The following DPP10 variants were observed in gnomAD, a reference collection of about 807,000 sequenced individuals.
DPP10 encodes the protein dipeptidyl peptidase like 10.
In DPP10, 33 loss-of-function variants were observed where a neutral mutation model predicts 120.9. That is an observed-to-expected ratio of 0.27 (90% CI 0.21 to 0.37). The LOEUF is 0.37. DPP10 is among the 10% of genes least tolerant of loss of function. The pLI is 1.00. For synonymous variants in DPP10, 337 were observed against 326.1 expected, an observed-to-expected ratio of 1.03 and a Z score of -0.36; for missense variants, 816 against 942.8, an observed-to-expected ratio of 0.87 and a Z score of 1.76.
chr2:115,194,802 T>A (rs528332821), intron 1 of DPP10, among the ~76,000 whole-genome samples: 75 of 152,274 alleles, frequency 4.9e-4, no homozygotes, highest in Non-Finnish European at 7.2e-4. Context: ...GAGTGATGTT[T>A]AACATAACAA....
At chr2:114,783,124 T>A (rs1682475402) in intron 1 of DPP10, among the ~76,000 whole-genome samples, 1 of 152,132 alleles carries the variant, frequency 6.6e-6, no homozygotes. Flanking sequence ...AGATATGTAA[T>A]GATATAGTAT....
intron 5 of DPP10, among the ~76,000 whole-genome samples, chr2:115,575,329 GTGTT>G (rs1372602109): frequency 6.6e-6 from 1 of 152,180 alleles, no homozygotes; most frequent in Non-Finnish European, 1.5e-5. Flanking sequence ...AAGAAAGTGA[GTGTT>G]TGGTACCATT....
intron 5 of DPP10, among the ~76,000 whole-genome samples, chr2:115,617,002 C>G (rs1439626789): frequency 6.6e-6 from 1 of 151,588 alleles, no homozygotes; most frequent in Admixed American, 6.6e-5. Flanking sequence ...GTCCTCTTTA[C>G]TCCTCCCTCT....
chr2:115,676,236 G>T (rs139679993), intron 5 of DPP10, among the ~76,000 whole-genome samples: 1 of 152,252 alleles, frequency 6.6e-6, no homozygotes, highest in East Asian at 1.9e-4. Flanking sequence ...AATAATCACA[G>T]AATGGCCACA....
At chr2:114,776,393 A>G (rs1448599390) in intron 1 of DPP10, among the ~76,000 whole-genome samples, 1 of 152,092 alleles carries the variant, frequency 6.6e-6, no homozygotes, top group Non-Finnish European at 1.5e-5. Flanking sequence ...ATGTAGAAGG[A>G]AAAAACAGTT....
chr2:114,693,113 T>C (rs1699866986), intron 1 of DPP10, among the ~76,000 whole-genome samples: 1 of 152,082 alleles, frequency 6.6e-6, no homozygotes, highest in Admixed American at 6.6e-5. Flanking sequence ...AATTTGATCC[T>C]ATCATCATGA....
chr2:115,379,060 G>T (rs972873297), intron 3 of DPP10, among the ~76,000 whole-genome samples: 3 of 152,138 alleles, frequency 2.0e-5, no homozygotes, highest in Non-Finnish European at 4.4e-5. Flanking sequence ...GATGATGCTG[G>T]CCTCATAAAA....
At chr2:115,140,410 A>G (rs960934169) in intron 1 of DPP10, among the ~76,000 whole-genome samples, 2 of 152,308 alleles carry the variant, frequency 1.3e-5, no homozygotes, top group Non-Finnish European at 2.9e-5. Context: ...GATGGCTCAG[A>G]GCTGGTGATA....
At chr2:115,240,162 C>G (rs1191315416) in intron 1 of DPP10, among the ~76,000 whole-genome samples, 6 of 152,132 alleles carry the variant, frequency 3.9e-5, no homozygotes, top group African/African-American at 1.4e-4. Context: ...GTTGTAGATC[C>G]TTGAGGAATC....
intron 3 of DPP10, among the ~76,000 whole-genome samples, chr2:115,357,766 T>G (rs1331973867): frequency 6.6e-6 from 1 of 152,180 alleles, no homozygotes; most frequent in Non-Finnish European, 1.5e-5. Flanking sequence ...TGCCCGGACA[T>G]CTAGGCATTT....
At chr2:115,051,378 A>G (rs1389048443) in intron 1 of DPP10, among the ~76,000 whole-genome samples, 1 of 152,278 alleles carries the variant, frequency 6.6e-6, no homozygotes, top group East Asian at 1.9e-4. Flanking sequence ...AAGGTACTAA[A>G]AAAAAAAACT....
At chr2:115,676,579 C>A (rs2090281173) in intron 5 of DPP10, among the ~76,000 whole-genome samples, 1 of 151,932 alleles carries the variant, frequency 6.6e-6, no homozygotes, top group Admixed American at 6.6e-5. Context: ...CATCAATAGA[C>A]TAAATTAAGT....
intron 1 of DPP10, among the ~76,000 whole-genome samples, chr2:114,464,806 C>T (rs924381394): frequency 5.9e-5 from 9 of 152,156 alleles, no homozygotes; most frequent in East Asian, 1.9e-4. Flanking sequence ...CAGAGATTGA[C>T]GTGAGCCGAG....
rs1396154691 is a variant in DPP10 at position 115,836,494 on chromosome 2, T to C, written c.2051-13T>C. ...TTAGTTTCTTCTCGAATGTCTGTTT[T>C]CTTGGGTCACAGCCTCAGCTTTCTC... is the stretch of plus-strand genomic sequence containing the variant. On this transcript the variant is annotated splice_polypyrimidine_tract_variant and intron_variant, in intron 22 of 25. Transcript: ENST00000410059. 1.2e-6 allele frequency: 2 copies of C among 1,609,742 alleles called. No individual in the cohort carries two copies. The highest frequency in any genetic ancestry group is 4.5e-5 in the East Asian group (2 of 44,842).
At chr2:114,775,337 A>G (rs1681632641) in intron 1 of DPP10, among the ~76,000 whole-genome samples, 1 of 152,146 alleles carries the variant, frequency 6.6e-6, no homozygotes, top group Non-Finnish European at 1.5e-5. Flanking sequence ...ATATCTTCCA[A>G]TGTAGGTGTC....
At chr2:114,852,347 G>T (rs938834888) in intron 1 of DPP10, among the ~76,000 whole-genome samples, 6 of 151,502 alleles carry the variant, frequency 4.0e-5, no homozygotes, top group Non-Finnish European at 8.8e-5. Flanking sequence ...ATATCCATGG[G>T]TTCTGTATCC....
At chr2:114,924,757 A>G (rs1695474983) in intron 1 of DPP10, among the ~76,000 whole-genome samples, 2 of 152,150 alleles carry the variant, frequency 1.3e-5, no homozygotes, top group African/African-American at 2.4e-5. Context: ...CTAGCCCCTC[A>G]GGGCAACAAC....
intron 1 of DPP10, among the ~76,000 whole-genome samples, chr2:114,767,046 G>A (rs1043808005): frequency 7.3e-5 from 11 of 149,686 alleles, no homozygotes; most frequent in African/African-American, 2.7e-4. Context: ...AAAATTTCAT[G>A]GGACTCTGAG....
intron 1 of DPP10, among the ~76,000 whole-genome samples, chr2:114,696,968 T>A (rs1233666871): frequency 6.6e-6 from 1 of 152,082 alleles, no homozygotes; most frequent in Non-Finnish European, 1.5e-5. Context: ...AAGGATCAAG[T>A]GAGATGACTG....
Sources: allele counts gnomAD v4.1 joint callset (sites outside exome capture counted in the v4.1 genomes callset), GRCh38; gene constraint gnomAD v4.1.1; transcripts MANE v1.5; gene names NCBI Gene and HGNC (gene_info 2026-07-23, HGNC 2026-07-21).